Variants in ZYG11A observed in about 807,000 individuals in gnomAD.
ZYG11A encodes protein zyg-11 homolog A.
In ZYG11A, 62 loss-of-function variants were observed where a neutral mutation model predicts 77.2. That is an observed-to-expected ratio of 0.80 (90% CI 0.65 to 0.99). The LOEUF (loss-of-function observed/expected upper bound fraction) is 0.99, where lower values mean the gene tolerates loss of function less well. Ranked by LOEUF, ZYG11A falls within the 50% of genes least tolerant of loss-of-function variation. The pLI is 0.00. For synonymous variants in ZYG11A, 315 were observed against 324.6 expected, an observed-to-expected ratio of 0.97 and a Z score of 0.32; for missense variants, 828 against 896.8, an observed-to-expected ratio of 0.92 and a Z score of 0.98.
At chr1:52,857,810 A>G (rs965589181) in intron 3 of ZYG11A, 61 bp downstream of exon 3, 14 of 1,434,886 alleles carry the variant, frequency 9.8e-6, no homozygotes, top group Middle Eastern at 1.8e-4. Context: ...AACTCGTGCT[A>G]TAGACCAGAC....
chr1:52,878,055 T>C, intron 10 of ZYG11A, 86 bp downstream of exon 10: 1 of 1,127,814 alleles, frequency 8.9e-7, no homozygotes, highest in Non-Finnish European at 1.3e-6. Context: ...CTAGGCAGTA[T>C]TGTAAGCAAT....
At chr1:52,882,597 C>T (rs1356886951) in intron 11 of ZYG11A, among the ~76,000 whole-genome samples, 2 of 152,108 alleles carry the variant, frequency 1.3e-5, no homozygotes, top group East Asian at 1.9e-4. Flanking sequence ...TGAGACCATA[C>T]CTGTTTAAAA....
At chr1:52,874,589 G>A (rs1262478181) in intron 8 of ZYG11A, among the ~76,000 whole-genome samples, 3 of 152,130 alleles carry the variant, frequency 2.0e-5, no homozygotes, top group South Asian at 2.1e-4. Context: ...ACATTGGGCC[G>A]GGTGTGGTGG....
chr1:52,887,345 A>G (rs910217646), intron 13 of ZYG11A, among the ~76,000 whole-genome samples: 7 of 152,194 alleles, frequency 4.6e-5, no homozygotes, highest in Non-Finnish European at 8.8e-5. Context: ...ATACTTTTCT[A>G]TATCCATGCT....
intron 8 of ZYG11A, among the ~76,000 whole-genome samples, chr1:52,872,187 C>G (rs1264865342): frequency 6.6e-6 from 1 of 152,108 alleles, no homozygotes; most frequent in Non-Finnish European, 1.5e-5. Context: ...CTGCAACCTC[C>G]ACCTCCTGAG....
rs1406364051 is a variant in ZYG11A, at chr1:52,857,608, A to G, written c.867A>G (p.Ser289=). ...QQKDILPNVV[S]LDISGGNCIT... ...AGGATATCCTGCCCAATGTTGTGTCATTGGATATTTCTGGGGGCAATTGCA... is the reference window on the plus strand; with the variant it reads ...AGGATATCCTGCCCAATGTTGTGTCGTTGGATATTTCTGGGGGCAATTGCA... Residue 289 remains serine, a synonymous_variant, in exon 3 of 14, where the codon TCA becomes TCG. Coordinates refer to ENST00000371528, the MANE Select transcript of ZYG11A (RefSeq NM_001004339.3). The G allele has an allele frequency of 6.4e-7, 1 of 1,552,038 alleles. No individual in the cohort carries two copies. The highest frequency in any genetic ancestry group is 2.0e-5 in the Admixed American group (1 of 50,988).
intron 1 of ZYG11A, among the ~76,000 whole-genome samples, chr1:52,848,147 G>T (rs1268020754): frequency 6.6e-6 from 1 of 152,112 alleles, no homozygotes; most frequent in Non-Finnish European, 1.5e-5. Context: ...GGGATTACAG[G>T]CGTGAGCCAC....
intron 4 of ZYG11A, among the ~76,000 whole-genome samples, chr1:52,862,479 T>A (rs1217808275): frequency 6.6e-6 from 1 of 151,504 alleles, no homozygotes; most frequent in Non-Finnish European, 1.5e-5. Context: ...GCCCAGCTAC[T>A]TTTTTGTATT....
chr1:52,851,394 A>G (rs1645707620), intron 1 of ZYG11A, among the ~76,000 whole-genome samples: 1 of 151,038 alleles, frequency 6.6e-6, no homozygotes, highest in African/African-American at 2.4e-5. Context: ...ACCACAGTCA[A>G]TTTATTCTTC....
In ZYG11A at chr1:52,881,488, CAG is replaced by C; in HGVS notation, c.1772_1773del (p.Glu591AlafsTer20). 2 of 1,550,360 alleles carry C rather than the reference CAG, an allele frequency of 1.3e-6. No individual in the cohort carries two copies. Among genetic ancestry groups the C allele is most frequent in the South Asian group, 2.4e-5 (2 of 83,752 alleles). ...LGLLNNIAEV[R>X]ELSSKLVTED... is the part of the protein sequence containing the mutation. ...ACCTGTAGAACAACATAGCAGAAGT[CAG>C]AGAGCTCTCTTCCAAGCTGGTGACC... On this transcript the variant is annotated frameshift_variant, in exon 11 of 14. Transcript: ENST00000371528. LOFTEE classifies it high-confidence loss of function.
chr1:52,880,586 C>T (rs1354715916), intron 10 of ZYG11A, among the ~76,000 whole-genome samples: 4 of 152,132 alleles, frequency 2.6e-5, no homozygotes, highest in African/African-American at 9.7e-5. Context: ...ATATATGTAT[C>T]TGTCTTGCTA....
intron 1 of ZYG11A, among the ~76,000 whole-genome samples, chr1:52,849,770 C>T (rs1645670908): frequency 6.6e-6 from 1 of 151,882 alleles, no homozygotes; most frequent in Admixed American, 6.6e-5. Context: ...GCCAGCTCCA[C>T]ATCCCGGATT....
chr1:52,880,881 A>G (rs1646351965), intron 10 of ZYG11A, among the ~76,000 whole-genome samples: 1 of 152,224 alleles, frequency 6.6e-6, no homozygotes, highest in Non-Finnish European at 1.5e-5. Flanking sequence ...GAGATCTCAG[A>G]GAAGAGGGTC....
At position 52,881,532 on chromosome 1, in the gene ZYG11A, A is replaced by C. The variant is rs1458807837; in HGVS notation, c.1811A>C (p.His604Pro). Residue 604 changes from histidine to proline, a missense_variant, in exon 11 of 14, where the codon CAT (histidine) becomes CCT (proline). His to Pro is a moderately conservative substitution (Grantham distance 77, BLOSUM62 -2). Transcript: ENST00000371528. Reference sequence around the variant, plus strand: ...CTGGTGACCGAAGATGTGCTGAAGCATATCAACAGTTTACTCTGTAGCAGG... The same window carrying C: ...CTGGTGACCGAAGATGTGCTGAAGCCTATCAACAGTTTACTCTGTAGCAGG... ...SKLVTEDVLK[H>P]INSLLCSREM... is the part of the protein sequence containing the mutation. 5 of 1,551,858 alleles carry C rather than the reference A, an allele frequency of 3.2e-6. No individual in the cohort carries two copies. The East Asian group carries it at 1.2e-4, about 38-fold the overall frequency.
intron 13 of ZYG11A, among the ~76,000 whole-genome samples, chr1:52,891,060 G>A (rs976507966): frequency 1.7e-4 from 26 of 150,596 alleles, no homozygotes; most frequent in South Asian, 4.2e-4. Flanking sequence ...CACTATGCCC[G>A]TCTAAGTTTT....
chr1:52,859,556 C>T (rs1672916), intron 3 of ZYG11A, among the ~76,000 whole-genome samples: 73,663 of 151,182 alleles, frequency 0.49, 19,144 homozygotes, highest in Non-Finnish European at 0.59. Context: ...AGGATAGTCT[C>T]GATCTCCTGA....
chr1:52,845,836 C>G (rs1359651332), intron 1 of ZYG11A, among the ~76,000 whole-genome samples: 1 of 151,654 alleles, frequency 6.6e-6, no homozygotes, highest in Non-Finnish European at 1.5e-5. Context: ...ACCACCATGC[C>G]TGGCTGTTTT....
chr1:52,869,287 C>T (rs1344792225), intron 8 of ZYG11A, among the ~76,000 whole-genome samples: 1 of 125,372 alleles, frequency 8.0e-6, no homozygotes, highest in African/African-American at 3.1e-5. Flanking sequence ...GGGTGTTTCT[C>T]GCAGAGGGGG....
At chr1:52,860,248 A>C (rs578223559) in intron 3 of ZYG11A, among the ~76,000 whole-genome samples, 1 of 152,002 alleles carries the variant, frequency 6.6e-6, no homozygotes, top group East Asian at 1.9e-4. Context: ...AGGTCTCACT[A>C]TGTTGTCCAG....
Sources: allele counts gnomAD v4.1 joint callset (sites outside exome capture counted in the v4.1 genomes callset), GRCh38; gene constraint gnomAD v4.1.1; transcripts MANE v1.5; gene names NCBI Gene and HGNC (gene_info 2026-07-23, HGNC 2026-07-21).